TCF12: variants seen among roughly 807,000 people sequenced by gnomAD.
TCF12 encodes transcription factor 12.
TCF12 carries 45 observed loss-of-function variants against 86.0 expected under a neutral mutation model. The observed-to-expected ratio is 0.52, with a 90% CI of 0.41 to 0.67. The LOEUF (loss-of-function observed/expected upper bound fraction) is 0.67. Among genes scored for constraint, TCF12 ranks in the 30% least tolerant of loss-of-function variants. The pLI is 0.00. For missense variants in TCF12, 881 were observed against 859.9 expected (o/e 1.02, Z -0.31); for synonymous variants, 330 against 299.6 (o/e 1.10, Z -1.05).
At chr15:56,991,597 A>G (rs1185071228) in intron 3 of TCF12, among the ~76,000 whole-genome samples, 5 of 152,212 alleles carry the variant, frequency 3.3e-5, no homozygotes, top group Non-Finnish European at 7.3e-5. Context: ...TTAGTCTGTG[A>G]ATTTAGAGCT....
Position 57,288,052 on chromosome 15 carries a change from A to T in TCF12, c.*1907A>T, listed in dbSNP as rs1347219233. 1 of 152,638 alleles carries T rather than the reference A, an allele frequency of 6.6e-6. No individual in the cohort carries two copies. Among genetic ancestry groups the T allele is most frequent in the Admixed American group, 6.5e-5 (1 of 15,278 alleles). 9.5% of individuals were successfully genotyped at this position (152,638 alleles called of 1,614,324 possible). A position where few individuals can be genotyped will look rare whatever the true frequency, so the allele number is the denominator to read the frequency against. On this transcript the variant is annotated 3_prime_UTR_variant, in exon 21 of 21. Transcript: ENST00000333725. Reference sequence around the variant, plus strand: ...AAACATTTGGCTTATTTTTCACTGTAGCTAGTCTTTTATACAATAATCTTG... The same window carrying T: ...AAACATTTGGCTTATTTTTCACTGTTGCTAGTCTTTTATACAATAATCTTG...
intron 5 of TCF12, among the ~76,000 whole-genome samples, chr15:57,136,339 G>A (rs1377823813): frequency 6.6e-6 from 1 of 152,156 alleles, no homozygotes; most frequent in Non-Finnish European, 1.5e-5. Flanking sequence ...AAACTAGGCT[G>A]GGAGGCCATG....
intron 8 of TCF12, among the ~76,000 whole-genome samples, chr15:57,227,735 A>G (rs574546591): frequency 2.0e-5 from 3 of 152,250 alleles, no homozygotes; most frequent in East Asian, 3.9e-4. Context: ...AGGGGAAAGT[A>G]TAAGTGCTTG....
At chr15:57,091,555 T>C (rs1363583557) in intron 4 of TCF12, among the ~76,000 whole-genome samples, 4 of 152,242 alleles carry the variant, frequency 2.6e-5, no homozygotes, top group African/African-American at 9.6e-5. Flanking sequence ...GGTTAGTGTT[T>C]ATTTATAGAA....
intron 3 of TCF12, among the ~76,000 whole-genome samples, chr15:57,039,444 A>C (rs756518074): frequency 4.6e-5 from 7 of 152,112 alleles, no homozygotes; most frequent in African/African-American, 1.7e-4. Context: ...TTGGTTTCCC[A>C]TTCAGGCTAT....
intron 6 of TCF12, among the ~76,000 whole-genome samples, chr15:57,190,553 C>T (rs2056925619): frequency 6.6e-6 from 1 of 152,042 alleles, no homozygotes; most frequent in Non-Finnish European, 1.5e-5. Flanking sequence ...GTATTCAACC[C>T]CCCTTCCTTT....
At chr15:57,230,739 G>T (rs138230348) in intron 8 of TCF12, among the ~76,000 whole-genome samples, 10 of 151,946 alleles carry the variant, frequency 6.6e-5, no homozygotes, top group African/African-American at 2.4e-4. Context: ...GGTGAATCTT[G>T]TAACACTGAA....
chr15:56,989,138 T>C (rs35646942), intron 3 of TCF12, among the ~76,000 whole-genome samples: 58,785 of 151,954 alleles, frequency 0.39, 14,161 homozygotes, highest in Non-Finnish European at 0.53. Flanking sequence ...ATTATGCATA[T>C]TTATACCAAC....
intron 3 of TCF12, among the ~76,000 whole-genome samples, chr15:57,054,778 T>G (rs1438460710): frequency 7.8e-6 from 1 of 128,652 alleles, no homozygotes; most frequent in Non-Finnish European, 1.6e-5. Context: ...CTCTGCTTTT[T>G]TTTTTTTTTT....
intron 6 of TCF12, among the ~76,000 whole-genome samples, chr15:57,181,622 C>T (rs1369938218): frequency 6.6e-6 from 1 of 152,118 alleles, no homozygotes; most frequent in African/African-American, 2.4e-5. Flanking sequence ...ATTATCACCA[C>T]CAAAGCTTAC....
At chr15:57,072,323 T>G (rs1288731835) in intron 4 of TCF12, among the ~76,000 whole-genome samples, 1 of 152,226 alleles carries the variant, frequency 6.6e-6, no homozygotes. Context: ...TTATTTAGGC[T>G]TTGTCAAGTT....
intron 3 of TCF12, among the ~76,000 whole-genome samples, chr15:56,980,892 A>G (rs2062857458): frequency 6.6e-6 from 1 of 152,238 alleles, no homozygotes; most frequent in South Asian, 2.1e-4. Flanking sequence ...GACATGCAGT[A>G]GATAGTTGTT....
intron 3 of TCF12, among the ~76,000 whole-genome samples, chr15:57,033,243 A>AAT (rs1245412285): frequency 1.3e-5 from 2 of 152,210 alleles, no homozygotes; most frequent in East Asian, 1.9e-4. Flanking sequence ...TGATGCAAAA[A>AAT]ATATATATAT....
intron 5 of TCF12, among the ~76,000 whole-genome samples, chr15:57,116,602 C>G (rs1213466503): frequency 3.3e-5 from 5 of 152,090 alleles, no homozygotes; most frequent in South Asian, 2.1e-4. Context: ...CTGCCTCGGC[C>G]TCCCAAAGTG....
chr15:57,084,526 TA>T (rs1468716037), intron 4 of TCF12, among the ~76,000 whole-genome samples: 1 of 152,188 alleles, frequency 6.6e-6, no homozygotes, highest in Non-Finnish European at 1.5e-5. Flanking sequence ...TAAATCTTGT[TA>T]AGATGCAGAT....
At chr15:57,134,107 G>A (rs1237432396) in intron 5 of TCF12, among the ~76,000 whole-genome samples, 1 of 152,074 alleles carries the variant, frequency 6.6e-6, no homozygotes, top group Non-Finnish European at 1.5e-5. Context: ...TATTTATTAG[G>A]TTCTTTTTTT....
Position 57,282,590 on chromosome 15 carries a change from A to G in TCF12, c.*3A>G, listed in dbSNP as rs1224019481. 5 of 1,612,170 alleles carry G rather than the reference A, an allele frequency of 3.1e-6. No homozygotes were observed. The African/African-American group carries it at 6.7e-5, about 22-fold the overall frequency. ...CCAACCCTATGGGTCATATGTAAAC[A>G]TCAGCCAGGTAAGTACGGGTTTGAA... On this transcript the variant is annotated 3_prime_UTR_variant, in exon 20 of 21. Transcript: ENST00000333725.
intron 5 of TCF12, among the ~76,000 whole-genome samples, chr15:57,104,815 C>T (rs1356604764): frequency 1.4e-5 from 2 of 147,770 alleles, no homozygotes; most frequent in Admixed American, 6.8e-5. Context: ...AGGCATTCTT[C>T]ACTGTCCCTC....
At chr15:57,155,369 A>T (rs769160413) in intron 5 of TCF12, among the ~76,000 whole-genome samples, 1 of 152,206 alleles carries the variant, frequency 6.6e-6, no homozygotes, top group Non-Finnish European at 1.5e-5. Context: ...ATTATGACCC[A>T]TCAAGAAGTT....
Sources: allele counts gnomAD v4.1 joint callset (sites outside exome capture counted in the v4.1 genomes callset), GRCh38; gene constraint gnomAD v4.1.1; transcripts MANE v1.5; gene names NCBI Gene and HGNC (gene_info 2026-07-23, HGNC 2026-07-21).